Variants in LCORL observed in about 807,000 individuals in gnomAD.
The protein encoded by LCORL is ligand-dependent nuclear receptor corepressor-like protein.
A neutral mutation model predicts 141.8 loss-of-function variants in LCORL; 41 were observed. The observed-to-expected ratio is 0.29, with a 90% confidence interval of 0.23 to 0.38. LCORL has a LOEUF of 0.38. LCORL is among the 10% of genes least tolerant of loss of function. LCORL has a pLI of 1.00. For missense variants in LCORL, 1,759 were observed against 2,035.0 expected, an observed-to-expected ratio of 0.86 and a Z score of 2.61; for synonymous variants, 618 against 694.1, an observed-to-expected ratio of 0.89 and a Z score of 1.72.
chr4:17,842,531 CCAT>C (rs1311891713), exon 8 of LCORL: 1 of 625,712 alleles, frequency 1.6e-6, no homozygotes, highest in African/African-American at 1.9e-5. Flanking sequence ...GTCTAAAATT[CCAT>C]CATCAAGAGC....
At chr4:18,000,340 G>T (rs543737432) in intron 1 of LCORL, among the ~76,000 whole-genome samples, 29 of 152,226 alleles carry the variant, frequency 1.9e-4, no homozygotes, top group African/African-American at 7.0e-4. Context: ...GAAACAGAGT[G>T]ATTATCACTG....
chr4:17,957,655 T>C lies in LCORL; in HGVS notation c.430+4248A>G, dbSNP rs16896140. Among the ~76,000 whole-genome samples, 1,478 of 152,118 alleles carry C rather than the reference T, an allele frequency of 9.7e-3. 42 individuals carry two copies. The highest frequency in any genetic ancestry group is 0.053 in the Admixed American group (802 of 15,276). ...TTTTTATCAGAAATGTAAAAAGTCT[T>C]CAATCCAGTTCTAATTTTAAGTGTG... On this transcript the variant is annotated intron_variant, in intron 4 of 7. Coordinates refer to ENST00000635767, the Ensembl canonical transcript of LCORL.
chr4:17,894,040 C>T (rs1008987889), intron 5 of LCORL, among the ~76,000 whole-genome samples: 1 of 152,144 alleles, frequency 6.6e-6, no homozygotes, highest in Non-Finnish European at 1.5e-5. Context: ...CTCAAGTAAT[C>T]CACCTGCCTC....
At chr4:17,883,271 A>T (rs1241734277) in intron 6 of LCORL, 1 of 987,170 alleles carries the variant, frequency 1.0e-6, no homozygotes, top group Non-Finnish European at 1.2e-6. Context: ...CATACATACA[A>T]CAAGTGTTAA....
Position 17,945,476 on chromosome 4 carries a change from T to A in LCORL, c.430+16427A>T, listed in dbSNP as rs186256270. ...GAATATATGGAGTATACAGAGAAAA[T>A]TATCTGGCAAAAAAATAGCTGACCC... On this transcript the variant is annotated intron_variant, in intron 4 of 7. Transcript: ENST00000635767. 1.9e-4 allele frequency among the ~76,000 whole-genome samples: 29 copies of A among 151,492 alleles called. 1 individual carries two copies. Among genetic ancestry groups the A allele is most frequent in the Admixed American group, 1.4e-3 (22 of 15,180 alleles).
intron 6 of LCORL, among the ~76,000 whole-genome samples, 174 bp from the exon 7 acceptor site, chr4:17,878,387 ATAAT>A (rs533675545): frequency 8.5e-4 from 129 of 151,674 alleles, no homozygotes; most frequent in Non-Finnish European, 1.4e-3. Context: ...TGAAGCACTG[ATAAT>A]TAATTTCCTA....
At chr4:17,910,166 T>A (rs1039028414) in intron 4 of LCORL, among the ~76,000 whole-genome samples, 2 of 152,212 alleles carry the variant, frequency 1.3e-5, no homozygotes, top group Non-Finnish European at 2.9e-5. Context: ...GAAACTTATA[T>A]AATTGGTAAA....
exon 7 of LCORL, chr4:17,877,355 C>G: frequency 8.1e-7 from 1 of 1,230,224 alleles, no homozygotes; most frequent in Middle Eastern, 3.1e-4. Flanking sequence ...TTGTCATATC[C>G]GTGGTTTCTA....
At chr4:17,886,383 AAACT>A (rs1237107097) in intron 5 of LCORL, among the ~76,000 whole-genome samples, 3 of 152,066 alleles carry the variant, frequency 2.0e-5, no homozygotes, top group Non-Finnish European at 2.9e-5. Context: ...TGATAGGAAG[AAACT>A]AACTAAATAT....
intron 4 of LCORL, among the ~76,000 whole-genome samples, chr4:17,928,124 T>C (rs35622894): frequency 0.13 from 19,716 of 152,204 alleles, 1,391 homozygotes; most frequent in South Asian, 0.26. Flanking sequence ...CAGTCCACCC[T>C]GGCTGGGCAT....
At chr4:18,019,166 T>C (rs183428187) in intron 1 of LCORL, among the ~76,000 whole-genome samples, 1 of 152,274 alleles carries the variant, frequency 6.6e-6, no homozygotes, top group African/African-American at 2.4e-5. Flanking sequence ...TGGTGAAACC[T>C]AGTCTCTACT....
In LCORL at chr4:17,995,468, G is replaced by A. The variant is rs143121492; in HGVS notation, c.155-22583C>T. ...GGCCCAAAATGTCAATAGCACCAAG[G>A]CTGAGAAACTCAGCATTAAAGAAAC... On this transcript the variant is annotated intron_variant, in intron 1 of 7. Transcript: ENST00000635767. Among the ~76,000 whole-genome samples, 506 of 152,044 alleles carry A rather than the reference G, an allele frequency of 3.3e-3. 7 individuals carry two copies. Among genetic ancestry groups the A allele is most frequent in the African/African-American group, 0.012 (479 of 41,470 alleles).
At chr4:17,918,466 C>G (rs148102352) in intron 4 of LCORL, among the ~76,000 whole-genome samples, 316 of 151,904 alleles carry the variant, frequency 2.1e-3, no homozygotes, top group African/African-American at 7.1e-3. Context: ...GTATAAACAA[C>G]TAAAGTATGA....
At chr4:17,865,204 C>A (rs1725499909) in intron 7 of LCORL, among the ~76,000 whole-genome samples, 1 of 152,174 alleles carries the variant, frequency 6.6e-6, no homozygotes, top group Non-Finnish European at 1.5e-5. Context: ...ACATTATTTT[C>A]AAGAACACAC....
chr4:17,869,006 A>T (rs894369000), intron 7 of LCORL, among the ~76,000 whole-genome samples: 1 of 151,594 alleles, frequency 6.6e-6, no homozygotes, highest in Admixed American at 6.6e-5. Flanking sequence ...TCTGCCCACA[A>T]ATTACCGATT....
intron 6 of LCORL, chr4:17,881,618 TGGTCA>T (rs1727582106): frequency 1.5e-5 from 15 of 980,974 alleles, no homozygotes; most frequent in Non-Finnish European, 1.7e-5. Context: ...GTAAAGTTTT[TGGTCA>T]GGTCATCTTT....
exon 8 of LCORL, chr4:17,842,918 T>A: frequency 6.1e-6 from 1 of 162,832 alleles, no homozygotes; most frequent in Admixed American, 6.0e-5. Context: ...TTTTTTACTA[T>A]GTTTTTGGAA....
intron 7 of LCORL, among the ~76,000 whole-genome samples, chr4:17,863,407 A>G (rs1335069091): frequency 6.6e-6 from 1 of 152,232 alleles, no homozygotes; most frequent in Non-Finnish European, 1.5e-5. Flanking sequence ...CAATATCACT[A>G]ATCATTAGAG....
chr4:17,895,594 TATTACA>T (rs972468317), intron 5 of LCORL, among the ~76,000 whole-genome samples: 2 of 152,192 alleles, frequency 1.3e-5, no homozygotes, highest in East Asian at 1.9e-4. Flanking sequence ...TAATCTTGGC[TATTACA>T]ATTCAGCAGT....
Sources: gnomAD v4.1 joint callset for allele counts (sites outside exome capture counted in the v4.1 genomes callset) on GRCh38, gnomAD v4.1.1 for gene constraint, MANE v1.5 for transcripts, NCBI Gene and HGNC (gene_info 2026-07-23, HGNC 2026-07-21) for gene names.